XPC: variants seen among roughly 807,000 people sequenced by gnomAD.
The protein encoded by XPC is DNA repair protein complementing XP-C cells.
In XPC, 76 loss-of-function variants were observed where a neutral mutation model predicts 95.8. That is an observed-to-expected ratio of 0.79 (90% confidence interval 0.66 to 0.96). XPC has a LOEUF of 0.96. Ranked by LOEUF, XPC falls within the 40% of genes least tolerant of loss-of-function variation. The pLI is 0.00. For missense variants in XPC, 1,146 were observed against 1,179.8 expected (o/e 0.97, Z 0.42); for synonymous variants, 442 against 442.1 (o/e 1.00, Z 0.00).
chr3:14,149,457 GTTTT>G (rs1695596191), intron 11 of XPC: 1 of 154,794 alleles, frequency 6.5e-6, no homozygotes, highest in East Asian at 1.9e-4. Context: ...TATTCTCGGT[GTTTT>G]TTGTTTTTTT....
At chr3:14,163,647 G>T (rs1696254243) in intron 7 of XPC, among the ~76,000 whole-genome samples, 1 of 152,094 alleles carries the variant, frequency 6.6e-6, no homozygotes, top group South Asian at 2.1e-4. Context: ...TTCCCTTGGG[G>T]GTGACAAAAA....
At chr3:14,159,957 T>C in intron 7 of XPC, 127 bp from the exon 8 acceptor site, 1 of 851,996 alleles carries the variant, frequency 1.2e-6, no homozygotes, top group South Asian at 1.7e-5. Context: ...TGTCTAACAG[T>C]AGGCGACGGA....
intron 3 of XPC, among the ~76,000 whole-genome samples, chr3:14,169,457 A>G (rs1354979837): frequency 6.6e-6 from 1 of 152,250 alleles, no homozygotes; most frequent in Non-Finnish European, 1.5e-5. Context: ...GATCCTTCAA[A>G]AAAGGCAGTG....
At chr3:14,148,282 G>A (rs528202827) in intron 13 of XPC, 82 of 584,068 alleles carry the variant, frequency 1.4e-4, no homozygotes, top group African/African-American at 1.3e-3. Context: ...AGCTGCCGGG[G>A]AAAGATGCTG....
rs750767012 is a variant in XPC, at chr3:14,165,501, T to C, written c.706A>G (p.Ile236Val). The C allele has an allele frequency of 1.1e-5, 18 of 1,609,510 alleles. No individual in the cohort carries two copies. Among genetic ancestry groups the C allele is most frequent in the Admixed American group, 1.7e-5 (1 of 59,388 alleles). Residue 236 changes from isoleucine to valine, a missense_variant, in exon 6 of 16, where the codon ATC becomes GTC. Coordinates refer to ENST00000285021, the MANE Select transcript of XPC (RefSeq NM_004628.5). Reference sequence around the variant, plus strand: ...ACTCTGGTAAAGCGGGCTGGGATGATGGACAGGCCAATAGCATGCAGATCT... The same window carrying C: ...ACTCTGGTAAAGCGGGCTGGGATGACGGACAGGCCAATAGCATGCAGATCT... ...QPDLHAIGLS[I>V]IPARFTRVLP...
At chr3:14,147,159 A>G in intron 15 of XPC, 131 bp downstream of exon 15, 1 of 944,990 alleles carries the variant, frequency 1.1e-6, no homozygotes, top group Non-Finnish European at 1.6e-6. Context: ...TAGAGACAGA[A>G]GACTGAGGTG....
At chr3:14,171,124 A>G (rs1696595342) in intron 2 of XPC, among the ~76,000 whole-genome samples, 1 of 152,228 alleles carries the variant, frequency 6.6e-6, no homozygotes, top group Non-Finnish European at 1.5e-5. Context: ...GTAGCTGGCT[A>G]AACAATGGCT....
chr3:14,157,366 T>C (rs1428098294), intron 9 of XPC, among the ~76,000 whole-genome samples: 2 of 152,192 alleles, frequency 1.3e-5, no homozygotes, highest in Admixed American at 6.5e-5. Flanking sequence ...AATCTGGGCA[T>C]GTTCCTGTGT....
At chr3:14,159,687 T>C in intron 8 of XPC, 54 bp downstream of exon 8, 1 of 1,474,134 alleles carries the variant, frequency 6.8e-7, no homozygotes, top group South Asian at 1.2e-5. Flanking sequence ...TTTTTTTAAG[T>C]GTGACAATTT....
Position 14,145,895 on chromosome 3 carries a change from G to T in XPC, c.*46C>A. The T allele has an allele frequency of 6.3e-7, 1 of 1,580,306 alleles. No homozygotes were observed. Among genetic ancestry groups the T allele is most frequent in the Non-Finnish European group, 8.6e-7 (1 of 1,159,042 alleles). On this transcript the variant is annotated 3_prime_UTR_variant, in exon 16 of 16. Transcript: ENST00000285021. ...GCCCAGGGCAGGTGTGGGGCCTGTA[G>T]TGGGGCAGCAGCAACTGGTGGGTGC...
intron 3 of XPC, among the ~76,000 whole-genome samples, chr3:14,169,511 A>G (rs952256437): frequency 1.3e-5 from 2 of 152,228 alleles, no homozygotes; most frequent in African/African-American, 4.8e-5. Context: ...ATACTGCTCT[A>G]TATTAAGAGA....
At chr3:14,149,032 T>C in intron 11 of XPC, 84 bp from the exon 12 acceptor site, 1 of 1,571,950 alleles carries the variant, frequency 6.4e-7, no homozygotes, top group Non-Finnish European at 8.7e-7. Flanking sequence ...CAGTGCCGCA[T>C]GCCTGGTACC....
intron 5 of XPC, 110 bp downstream of exon 5, chr3:14,167,059 A>G: frequency 2.1e-6 from 2 of 943,012 alleles, no homozygotes; most frequent in Admixed American, 3.4e-5. Context: ...CAGAGAGAGT[A>G]AGAAACTTGC....
chr3:14,163,342 G>A (rs1696237627), intron 7 of XPC, among the ~76,000 whole-genome samples: 1 of 152,150 alleles, frequency 6.6e-6, no homozygotes, highest in Admixed American at 6.5e-5. Context: ...CCACAAGGTG[G>A]AAACTAACTA....
chr3:14,161,099 C>T (rs1311471545), intron 7 of XPC, among the ~76,000 whole-genome samples: 1 of 152,128 alleles, frequency 6.6e-6, no homozygotes, highest in Non-Finnish European at 1.5e-5. Flanking sequence ...AGAAAATGGA[C>T]AAAATCCCAG....
chr3:14,148,365 G>T, intron 13 of XPC, 197 bp downstream of exon 13: 1 of 744,508 alleles, frequency 1.3e-6, no homozygotes, highest in Non-Finnish European at 2.1e-6. Flanking sequence ...TACGATGCCA[G>T]TTTCATTGGC....
At chr3:14,177,593 G>C (rs1034822691) in intron 1 of XPC, among the ~76,000 whole-genome samples, 3 of 151,928 alleles carry the variant, frequency 2.0e-5, no homozygotes, top group Admixed American at 1.3e-4. Flanking sequence ...AGAAACAGGA[G>C]AGGTAGCAAG....
intron 10 of XPC, 80 bp from the exon 11 acceptor site, chr3:14,152,496 C>A: frequency 7.3e-7 from 1 of 1,362,914 alleles, no homozygotes; most frequent in Non-Finnish European, 1.0e-6. Flanking sequence ...AGAGCGCAGC[C>A]CTGCAGGCTC....
rs1309116467 is a variant in XPC at position 14,148,869 on chromosome 3, A to AG, written c.2194dup (p.Leu732ProfsTer67). 1.9e-6 allele frequency: 3 copies of AG among 1,613,866 alleles called. No individual in the cohort carries two copies. The highest frequency in any genetic ancestry group is 2.7e-5 in the African/African-American group (2 of 74,920). ...CTCCTCTGTCTGCCAGTAGCCAAAC[A>AG]GGCCCAGGTCATTTTCTTCCCGCAG... is the stretch of plus-strand genomic sequence containing the variant. On this transcript the variant is annotated frameshift_variant, in exon 12 of 16. Coordinates refer to ENST00000285021, the MANE Select transcript of XPC (RefSeq NM_004628.5). LOFTEE classifies it high-confidence loss of function.
Sources: allele counts gnomAD v4.1 joint callset (sites outside exome capture counted in the v4.1 genomes callset), GRCh38; gene constraint gnomAD v4.1.1; transcripts MANE v1.5; gene names NCBI Gene and HGNC (gene_info 2026-07-23, HGNC 2026-07-21).